The following ASAP2 variants were observed in gnomAD, a reference collection of about 807,000 sequenced individuals.
ASAP2 encodes the protein ArfGAP with SH3 domain, ankyrin repeat and PH domain 2, also known as arf-GAP with SH3 domain, ANK repeat and PH domain-containing protein 2.
A neutral mutation model predicts 131.4 loss-of-function variants in ASAP2; 45 were observed. The ratio of observed to expected loss-of-function variants is 0.34; its 90% CI spans 0.27 to 0.44. The LOEUF (loss-of-function observed/expected upper bound fraction) is 0.44. Ranked by LOEUF, ASAP2 falls within the 20% of genes least tolerant of loss-of-function variation. The pLI is 1.00. For synonymous variants in ASAP2, 510 were observed against 503.0 expected (o/e 1.01, Z -0.19); for missense variants, 1,011 against 1,297.0 (o/e 0.78, Z 3.39).
intron 1 of ASAP2, among the ~76,000 whole-genome samples, chr2:9,252,607 G>A (rs1664787897): frequency 6.6e-6 from 1 of 151,050 alleles, no homozygotes; most frequent in African/African-American, 2.4e-5. Context: ...AAAGCCTTCG[G>A]AAGACAGTTA....
At chr2:9,306,694 G>T (rs974138549) in intron 3 of ASAP2, among the ~76,000 whole-genome samples, 2 of 152,036 alleles carry the variant, frequency 1.3e-5, no homozygotes, top group Non-Finnish European at 1.5e-5. Context: ...CTCGCTGAGG[G>T]AATTGTCAGC....
At chr2:9,257,411 T>G (rs1384910418) in intron 1 of ASAP2, among the ~76,000 whole-genome samples, 1 of 152,212 alleles carries the variant, frequency 6.6e-6, no homozygotes, top group Non-Finnish European at 1.5e-5. Context: ...TAGCTTTATT[T>G]TCTTGGTTTA....
intron 2 of ASAP2, among the ~76,000 whole-genome samples, chr2:9,285,576 T>C (rs1384571586): frequency 6.6e-6 from 1 of 152,208 alleles, no homozygotes; most frequent in Non-Finnish European, 1.5e-5. Context: ...CAGTGATGGA[T>C]TGCTTATTTA....
At chr2:9,231,508 T>C (rs1663161441) in intron 1 of ASAP2, among the ~76,000 whole-genome samples, 1 of 152,248 alleles carries the variant, frequency 6.6e-6, no homozygotes, top group Non-Finnish European at 1.5e-5. Context: ...CTGGTCATGT[T>C]ACATAGCTGC....
intron 15 of ASAP2, among the ~76,000 whole-genome samples, chr2:9,362,709 G>A (rs748226896): frequency 6.6e-6 from 1 of 152,100 alleles, no homozygotes; most frequent in Non-Finnish European, 1.5e-5. Flanking sequence ...GGGAGTGGTG[G>A]CAAGTACCTG....
At chr2:9,304,489 AG>A (rs1257063909) in intron 3 of ASAP2, among the ~76,000 whole-genome samples, 4 of 27,574 alleles carry the variant, frequency 1.5e-4, no homozygotes, top group East Asian at 1.0e-3. Context: ...GAGGGGCTGT[AG>A]GGGGGGTGTA....
chr2:9,373,060 T>TCA lies in ASAP2; in HGVS notation c.1557-1688_1557-1687dup, dbSNP rs139435328. ...AGGGAACCCACTGAGACCACGTATC[T>TCA]CACACACAAGTCAGCCAGCACCGCA... On this transcript the variant is annotated intron_variant, in intron 16 of 27. Transcript: ENST00000281419. Among the ~76,000 whole-genome samples the TCA allele has an allele frequency of 4.8e-3, 735 of 152,162 alleles. 9 individuals carry two copies. The highest frequency in any genetic ancestry group is 0.017 in the African/African-American group (699 of 41,496).
chr2:9,370,074 G>A (rs773622771), intron 16 of ASAP2, among the ~76,000 whole-genome samples: 66 of 152,096 alleles, frequency 4.3e-4, no homozygotes, highest in Non-Finnish European at 5.7e-4. Flanking sequence ...TCCTGACCTC[G>A]TGATCTGCCC....
chr2:9,321,594 G>T (rs574769223), intron 5 of ASAP2, among the ~76,000 whole-genome samples: 2 of 152,064 alleles, frequency 1.3e-5, no homozygotes, highest in Non-Finnish European at 2.9e-5. Context: ...ATTGAGCCAG[G>T]CCAGGAAGCA....
intron 1 of ASAP2, among the ~76,000 whole-genome samples, chr2:9,226,329 C>T (rs1329449992): frequency 1.3e-5 from 2 of 152,150 alleles, no homozygotes; most frequent in East Asian, 3.8e-4. Context: ...TGGCTGTGTA[C>T]CCTTATGCAC....
chr2:9,308,716 C>T (rs925842009), intron 3 of ASAP2, among the ~76,000 whole-genome samples: 4 of 152,134 alleles, frequency 2.6e-5, no homozygotes, highest in African/African-American at 9.7e-5. Flanking sequence ...GCTCTGGCTT[C>T]ACTGTTCTAG....
rs190450179 is a variant in ASAP2 at position 9,251,260 on chromosome 2, T to C, written c.127-28057T>C. Among the ~76,000 whole-genome samples, 373 of 152,308 alleles carry C rather than the reference T, an allele frequency of 2.4e-3. 1 individual carries two copies. Among genetic ancestry groups the C allele is most frequent in the African/African-American group, 8.6e-3 (358 of 41,560 alleles). The stretch of plus-strand genomic sequence containing the variant: ...TGGCTTTCCCTCTAGTCACTTGTCT[T>C]ACAGAGAAGGGGACTGAGGTTGTGA... On this transcript the variant is annotated intron_variant, in intron 1 of 27. Coordinates refer to ENST00000281419, the MANE Select transcript of ASAP2 (RefSeq NM_003887.3).
intron 1 of ASAP2, among the ~76,000 whole-genome samples, chr2:9,214,656 T>C (rs1333559635): frequency 6.6e-6 from 1 of 152,172 alleles, no homozygotes; most frequent in African/African-American, 2.4e-5. Flanking sequence ...ATGATGGTCA[T>C]TTCTATGAAG....
chr2:9,309,357 A>G (rs547963469), intron 3 of ASAP2, among the ~76,000 whole-genome samples: 1 of 152,318 alleles, frequency 6.6e-6, no homozygotes, highest in South Asian at 2.1e-4. Flanking sequence ...CAGTCCCAAA[A>G]TCATGATGCA....
intron 1 of ASAP2, among the ~76,000 whole-genome samples, chr2:9,278,763 C>T (rs768169618): frequency 1.3e-5 from 2 of 152,114 alleles, no homozygotes; most frequent in African/African-American, 4.8e-5. Context: ...GGGTATTGTT[C>T]CTGCTGGTTT....
At chr2:9,381,552 A>G (rs867862217) in intron 20 of ASAP2, among the ~76,000 whole-genome samples, 1 of 152,212 alleles carries the variant, frequency 6.6e-6, no homozygotes, top group South Asian at 2.1e-4. Flanking sequence ...GCCTGGCAAC[A>G]TAGTGAGACT....
chr2:9,304,265 A>G (rs1237081781), intron 3 of ASAP2, among the ~76,000 whole-genome samples: 5 of 152,164 alleles, frequency 3.3e-5, no homozygotes, highest in Admixed American at 6.5e-5. Flanking sequence ...TTTCTGTTTG[A>G]AAGTATTAAT....
chr2:9,353,930 G>A (rs1672517393), intron 12 of ASAP2, among the ~76,000 whole-genome samples: 1 of 152,090 alleles, frequency 6.6e-6, no homozygotes, highest in African/African-American at 2.4e-5. Flanking sequence ...AGCTGTGATT[G>A]TGCCACTGCA....
At position 9,378,869 on chromosome 2, in the gene ASAP2, G is replaced by C; in HGVS notation, c.1833-75G>C. ...TGCCTTTCCTGTGCCCGTAGCCCAG[G>C]CTCCCTGCCGGGCAGTCCCTGGTCG... is the stretch of plus-strand genomic sequence containing the variant. On this transcript the variant is annotated intron_variant, in intron 18 of 27. Transcript: ENST00000281419. 4.6e-6 allele frequency: 5 copies of C among 1,080,796 alleles called. No homozygotes were observed. In the South Asian group the frequency reaches 1.7e-4, roughly 37 times the overall value. 67.0% of individuals were successfully genotyped at this position (1,080,796 alleles called of 1,614,324 possible).
Sources: gnomAD v4.1 joint callset for allele counts (sites outside exome capture counted in the v4.1 genomes callset) on GRCh38, gnomAD v4.1.1 for gene constraint, MANE v1.5 for transcripts, NCBI Gene and HGNC (gene_info 2026-07-23, HGNC 2026-07-21) for gene names.